The following HERC1 variants were observed in gnomAD, a reference collection of about 807,000 sequenced individuals.
The protein encoded by HERC1 is probable E3 ubiquitin-protein ligase HERC1.
Under a neutral mutation model 554.3 loss-of-function variants are expected in HERC1, and 160 were observed. The observed-to-expected ratio is 0.29, with a 90% CI of 0.25 to 0.33. The LOEUF is 0.33. HERC1 is among the 10% of genes least tolerant of loss of function. The probability of loss-of-function intolerance (pLI) is 1.00; values close to 1 mark genes in which losing one functional copy is unlikely to be tolerated. For synonymous variants in HERC1, 2,175 were observed against 2,131.7 expected (o/e 1.02, Z -0.56); for missense variants, 4,919 against 5,918.5 (o/e 0.83, Z 5.54).
intron 1 of HERC1, among the ~76,000 whole-genome samples, chr15:63,825,075 G>A (rs1440644453): frequency 3.3e-5 from 5 of 152,230 alleles, no homozygotes; most frequent in South Asian, 4.2e-4. Context: ...GTGGGAGGCC[G>A]AGGCAGGGAG....
intron 34 of HERC1, among the ~76,000 whole-genome samples, chr15:63,681,188 G>C (rs998891813): frequency 1.4e-4 from 21 of 152,098 alleles, no homozygotes; most frequent in South Asian, 8.3e-4. Flanking sequence ...GTTTTGTTTT[G>C]TTTTGTTTTG....
chr15:63,763,471 CTG>C (rs987259447), intron 3 of HERC1, among the ~76,000 whole-genome samples: 8 of 151,926 alleles, frequency 5.3e-5, no homozygotes, highest in Admixed American at 2.6e-4. Context: ...AAAACCCAGA[CTG>C]TGGGAAATGC....
At chr15:63,791,109 G>T (rs1007911943) in intron 1 of HERC1, among the ~76,000 whole-genome samples, 1 of 152,036 alleles carries the variant, frequency 6.6e-6, no homozygotes, top group South Asian at 2.1e-4. Context: ...TCCTTTCCTC[G>T]GACATACAGA....
At chr15:63,796,249 T>C (rs1239638058) in intron 1 of HERC1, among the ~76,000 whole-genome samples, 3 of 152,222 alleles carry the variant, frequency 2.0e-5, no homozygotes. Flanking sequence ...ATCCCTTAAG[T>C]CCATATGCCA....
Position 63,661,795 on chromosome 15 carries a change from T to C in HERC1, c.9128A>G (p.Tyr3043Cys). 1.2e-6 allele frequency: 2 copies of C among 1,613,996 alleles called. No homozygotes were observed. Among genetic ancestry groups the C allele is most frequent in the Non-Finnish European group, 1.7e-6 (2 of 1,179,874 alleles). The change falls in exon 45 of 78, where the codon TAC becomes TGC. Residue 3043 changes from tyrosine to cysteine, a missense_variant. Physicochemically the swap from Tyr to Cys is radical, Grantham distance 194. Transcript: ENST00000443617. The part of the protein sequence containing the change: ...YLLCGTCREK[Y>C]LAMKTKSKST... ...CTTAGATTTGGTCTTCATGGCTAAG[T>C]ACTTCTCCCTGCAGGTGCCACATAA...
chr15:63,689,516 C>G (rs2071983002), intron 33 of HERC1, 73 bp downstream of exon 33: 1 of 776,562 alleles, frequency 1.3e-6, no homozygotes, highest in Non-Finnish European at 2.1e-6. Flanking sequence ...CTCAGAGGAA[C>G]AGGCATTCAG....
chr15:63,786,917 A>ATTTTTTTTTTTTTTTTTTTTTTT (rs1378851561), intron 1 of HERC1, among the ~76,000 whole-genome samples: 2 of 126,978 alleles, frequency 1.6e-5, no homozygotes, highest in Non-Finnish European at 1.7e-5. Flanking sequence ...TCAATAAATT[A>ATTTTTTTTTTTTTTTTTTTTTTT]TTATTTTTTT....
In HERC1 at chr15:63,713,572, T is replaced by C; in HGVS notation, c.4244A>G (p.Asp1415Gly). 6.2e-7 allele frequency: 1 copy of C among 1,613,920 alleles called. No individual in the cohort carries two copies. Among genetic ancestry groups the C allele is most frequent in the Non-Finnish European group, 8.5e-7 (1 of 1,179,856 alleles). The change falls in exon 23 of 78, where the codon GAT becomes GGT. Residue 1415 changes from aspartate to glycine, a missense_variant. Coordinates refer to ENST00000443617, the MANE Select transcript of HERC1 (RefSeq NM_003922.4). ...NSGAGSGARA[D>G]DPPPQSQQER... ...TTGCTGAGACTGAGGAGGTGGATCA[T>C]CAGCTCGAGCCCCAGACCCTGCCCC... is the stretch of plus-strand genomic sequence containing the variant.
chr15:63,688,871 G>A (rs949872182), intron 33 of HERC1, among the ~76,000 whole-genome samples: 2 of 151,982 alleles, frequency 1.3e-5, no homozygotes, highest in Admixed American at 1.3e-4. Context: ...TCAGAAATGG[G>A]ACAAAAAAAG....
chr15:63,790,532 C>T (rs1033053698), intron 1 of HERC1, among the ~76,000 whole-genome samples: 6 of 151,880 alleles, frequency 4.0e-5, no homozygotes, highest in Non-Finnish European at 8.8e-5. Context: ...GAGCCGAGAT[C>T]GCACCACTGC....
At chr15:63,784,783 G>A (rs932384377) in intron 1 of HERC1, among the ~76,000 whole-genome samples, 8 of 151,956 alleles carry the variant, frequency 5.3e-5, no homozygotes, top group African/African-American at 1.9e-4. Context: ...AATTTTTTTT[G>A]TATTTTCAGT....
At chr15:63,790,438 G>C (rs867624853) in intron 1 of HERC1, among the ~76,000 whole-genome samples, 1 of 151,976 alleles carries the variant, frequency 6.6e-6, no homozygotes, top group Non-Finnish European at 1.5e-5. Flanking sequence ...TTAGCCGGGG[G>C]TAGTGGCGGG....
At chr15:63,811,484 T>C (rs1328219116) in intron 1 of HERC1, among the ~76,000 whole-genome samples, 1 of 152,066 alleles carries the variant, frequency 6.6e-6, no homozygotes. Flanking sequence ...TAGAAACAGC[T>C]GAATCAGGCA....
At chr15:63,711,666 T>C (rs1173499226) in intron 24 of HERC1, among the ~76,000 whole-genome samples, 1 of 152,170 alleles carries the variant, frequency 6.6e-6, no homozygotes, top group Non-Finnish European at 1.5e-5. Flanking sequence ...ACAGAGGAAT[T>C]TCAGAATTAC....
At chr15:63,616,380 T>G in intron 75 of HERC1, 50 bp downstream of exon 75, 4 of 1,575,114 alleles carry the variant, frequency 2.5e-6, no homozygotes, top group Non-Finnish European at 2.6e-6. Flanking sequence ...TTCTAGTCTG[T>G]GCATATAGGA....
chr15:63,633,707 G>C lies in HERC1; in HGVS notation c.12693+141C>G. On this transcript the variant is annotated intron_variant, in intron 67 of 77. Transcript: ENST00000443617. ...CAAGACCTAGCATGTGGGCATTCAA[G>C]AATGCACAACAGAAGCTTCTAAACT... 4 of 795,840 alleles carry C rather than the reference G, an allele frequency of 5.0e-6. No homozygotes were observed. The South Asian group carries it at 9.2e-5, about 18-fold the overall frequency. The allele number at this position is 795,840 out of a possible 1,614,324, so 49.3% of individuals were successfully genotyped here.
intron 65 of HERC1, 39 bp from the exon 66 acceptor site, chr15:63,634,927 G>C: frequency 6.7e-7 from 1 of 1,498,516 alleles, no homozygotes; most frequent in South Asian, 1.3e-5. Context: ...TTTTAAGAAG[G>C]GAAACTAAGA....
rs1261026400 is a variant in HERC1, at chr15:63,658,655, G to A, written c.9488C>T (p.Ala3163Val). Residue 3163 changes from alanine (A) to valine (V), a missense_variant, in exon 48 of 78, where the codon GCC becomes GTC. Physicochemically the swap from Ala to Val is moderately conservative, Grantham distance 64. Coordinates refer to ENST00000443617, the MANE Select transcript of HERC1 (RefSeq NM_003922.4). ...GRITLGEQAA[A>V]LANPHDRVVA... ...CACACGGTCATGAGGGTTTGCTAGGGCAGCTGCCTGCTCTCCTAACGTTAT... is the reference window on the plus strand; with the variant it reads ...CACACGGTCATGAGGGTTTGCTAGGACAGCTGCCTGCTCTCCTAACGTTAT... The A allele has an allele frequency of 2.5e-6, 4 of 1,613,880 alleles. No homozygotes were observed. Among genetic ancestry groups the A allele is most frequent in the Non-Finnish European group, 2.5e-6 (3 of 1,179,768 alleles).
Position 63,659,908 on chromosome 15 carries a change from TTCA to T in HERC1, c.9249_9251del (p.Asp3083del). On this transcript the variant is annotated inframe_deletion, in exon 47 of 78. Coordinates refer to ENST00000443617, the MANE Select transcript of HERC1 (RefSeq NM_003922.4). ...CTTCTTCACCAGTTAGCTTTTCATC[TTCA>T]TCAACATCCAACATGTCCCAGTCTT... 6.2e-7 allele frequency: 1 copy of T among 1,613,142 alleles called. No homozygotes were observed. The highest frequency in any genetic ancestry group is 8.5e-7 in the Non-Finnish European group (1 of 1,179,182).
Sources: gnomAD v4.1 joint callset for allele counts (sites outside exome capture counted in the v4.1 genomes callset) on GRCh38, gnomAD v4.1.1 for gene constraint, MANE v1.5 for transcripts, NCBI Gene and HGNC (gene_info 2026-07-23, HGNC 2026-07-21) for gene names.